The following DHRS7 variants were observed in gnomAD, a reference collection of about 807,000 sequenced individuals.
DHRS7 encodes dehydrogenase/reductase SDR family member 7.
DHRS7 carries 34 observed loss-of-function variants against 38.9 expected under a neutral mutation model. The observed-to-expected ratio is 0.87, with a 90% CI of 0.66 to 1.16. The LOEUF (loss-of-function observed/expected upper bound fraction) is 1.16. Ranked by LOEUF, DHRS7 falls within the 50% of genes most tolerant of loss-of-function variation. DHRS7 has a pLI of 0.00. For missense variants in DHRS7, 421 were observed against 407.0 expected (o/e 1.03, Z -0.30); for synonymous variants, 158 against 153.1 (o/e 1.03, Z -0.24).
chr14:60,147,708 C>T (rs1046618298), intron 6 of DHRS7: 1 of 152,110 alleles, frequency 6.6e-6, no homozygotes. Flanking sequence ...CATTAATCTC[C>T]ATCTTATATT....
At position 60,145,977 on chromosome 14, in the gene DHRS7, AG is replaced by A. The variant is rs1046876739; in HGVS notation, c.973-965del. 1 of 150,764 alleles carries A rather than the reference AG, an allele frequency of 6.6e-6. No individual in the cohort carries two copies. The highest frequency in any genetic ancestry group is 1.5e-5 in the Non-Finnish European group (1 of 67,726). The allele number at this position is 150,764 out of a possible 1,614,324, so 9.3% of individuals were successfully genotyped here. The stretch of plus-strand genomic sequence containing the variant: ...CTATTAGCTTGAAATAAGCTATGCT[AG>A]CATTTTCTTAACTTAGACGCTTATC... On this transcript the variant is annotated intron_variant, in intron 6 of 6. Transcript: ENST00000557185. The surrounding 1 kb of genome is among the most constrained non-coding windows in gnomAD (Gnocchi z 4.0).
chr14:60,163,473 G>A (rs1283429720), intron 1 of DHRS7, among the ~76,000 whole-genome samples: 1 of 152,110 alleles, frequency 6.6e-6, no homozygotes, highest in Non-Finnish European at 1.5e-5. Flanking sequence ...TAACTTTTAT[G>A]TAACTTACTT....
Position 60,153,645 on chromosome 14 carries a change from G to A in DHRS7, c.393+314C>T, listed in dbSNP as rs1009029271. On this transcript the variant is annotated intron_variant, in intron 3 of 6. Coordinates refer to ENST00000557185, the MANE Select transcript of DHRS7 (RefSeq NM_016029.4). The surrounding 1 kb of genome is among the most constrained non-coding windows in gnomAD (Gnocchi z 4.4). ...TGGGAGGCGGAGATTGCAGTGAACC[G>A]ATATCACACCACTGCACTCCAGCCT... is the stretch of plus-strand genomic sequence containing the variant. 2.0e-5 allele frequency among the ~76,000 whole-genome samples: 3 copies of A among 152,078 alleles called. No homozygotes were observed. The highest frequency in any genetic ancestry group is 6.5e-5 in the Admixed American group (1 of 15,274).
In DHRS7 at chr14:60,150,107, T is replaced by C; in HGVS notation, c.714A>G (p.Gln238=). Residue 238 remains glutamine, a synonymous_variant, in exon 5 of 7, where the codon CAA becomes CAG. Transcript: ENST00000557185. Reference sequence around the variant, plus strand: ...CTAGGGAATTCTCCACAATATTTGATTGCACAGGTCCTGGGCAAATGTTAG... The same window carrying C: ...CTAGGGAATTCTCCACAATATTTGACTGCACAGGTCCTGGGCAAATGTTAG... ...IVSNICPGPV[Q]SNIVENSLAG... 2 of 1,608,200 alleles carry C rather than the reference T, an allele frequency of 1.2e-6. No individual in the cohort carries two copies. The highest frequency in any genetic ancestry group is 2.7e-5 in the African/African-American group (2 of 74,302).
At chr14:60,168,763 T>C, upstream of DHRS7, 1 of 1,548,408 alleles carries the variant, frequency 6.5e-7, no homozygotes, top group Non-Finnish European at 8.7e-7. Context: ...AACAAAATTC[T>C]TTCTTGCTTC....
At position 60,153,017 on chromosome 14, in the gene DHRS7, A is replaced by G. The variant is rs748482262; in HGVS notation, c.555T>C (p.Ile185=). 8.7e-6 allele frequency: 14 copies of G among 1,614,208 alleles called. No individual in the cohort carries two copies. The South Asian group carries it at 1.3e-4, about 15-fold the overall frequency. The part of the protein sequence containing the change: ...PHMIERKQGK[I]VTVNSILGII... ...TACCCAGGATGCTATTCACAGTAAC[A>G]ATCTTTCCTTGCTTCCTCTCGATCA... The change falls in exon 4 of 7, where the codon ATT becomes ATC. Residue 185 remains isoleucine, a synonymous_variant. Coordinates refer to ENST00000557185, the MANE Select transcript of DHRS7 (RefSeq NM_016029.4). The surrounding 1 kb of genome is among the most constrained non-coding windows in gnomAD (Gnocchi z 4.4).
At position 60,153,000 on chromosome 14, in the gene DHRS7, A is replaced by G; in HGVS notation, c.572T>C (p.Ile191Thr). 1 of 1,614,192 alleles carries G rather than the reference A, an allele frequency of 6.2e-7. No homozygotes were observed. Among genetic ancestry groups the G allele is most frequent in the Non-Finnish European group, 8.5e-7 (1 of 1,180,010 alleles). ...KQGKIVTVNSILGIISVPLSI... is the reference protein window; with the variant it reads ...KQGKIVTVNSTLGIISVPLSI... ...AAGAGGTACAGATATGATACCCAGGATGCTATTCACAGTAACAATCTTTCC... is the reference window on the plus strand; with the variant it reads ...AAGAGGTACAGATATGATACCCAGGGTGCTATTCACAGTAACAATCTTTCC... The change falls in exon 4 of 7, where the codon ATC becomes ACC. Residue 191 changes from isoleucine (I) to threonine (T), a missense_variant. Transcript: ENST00000557185.
upstream of DHRS7, chr14:60,168,649 TC>T: frequency 6.6e-7 from 1 of 1,518,460 alleles, no homozygotes; most frequent in Non-Finnish European, 8.8e-7. Context: ...CTAAAACTGA[TC>T]AATGCTTTTT....
At chr14:60,147,620 A>T (rs964334672) in intron 6 of DHRS7, 7 of 152,224 alleles carry the variant, frequency 4.6e-5, no homozygotes, top group African/African-American at 1.7e-4. Context: ...GAACACTCCA[A>T]GTTGTGTTTT....
At chr14:60,150,292 G>T in intron 4 of DHRS7, 105 bp from the exon 5 acceptor site, 1 of 1,091,764 alleles carries the variant, frequency 9.2e-7, no homozygotes, top group East Asian at 2.8e-5. Context: ...AGGACAGGTA[G>T]TGTAATCATG....
At chr14:60,155,277 C>T (rs995407077) in intron 2 of DHRS7, among the ~76,000 whole-genome samples, 1 of 151,944 alleles carries the variant, frequency 6.6e-6, no homozygotes, top group Non-Finnish European at 1.5e-5. Context: ...GGTGAAACCC[C>T]GTCTCCATTA....
At chr14:60,157,536 G>A (rs527964951) in intron 1 of DHRS7, among the ~76,000 whole-genome samples, 3 of 152,272 alleles carry the variant, frequency 2.0e-5, no homozygotes, top group Non-Finnish European at 4.4e-5. Context: ...TACTTCCTAT[G>A]TACTTAGCAC....
intron 4 of DHRS7, among the ~76,000 whole-genome samples, chr14:60,150,921 A>G (rs432646): frequency 0.27 from 41,119 of 151,698 alleles, 7,542 homozygotes; most frequent in African/African-American, 0.52. Flanking sequence ...AACTATCCCT[A>G]TAGATTCTGA....
chr14:60,157,595 C>T (rs1896683387), intron 1 of DHRS7, among the ~76,000 whole-genome samples: 1 of 152,190 alleles, frequency 6.6e-6, no homozygotes, highest in Admixed American at 6.5e-5. Context: ...GTATTATTAT[C>T]TCAGTTTTAC....
Position 60,145,042 on chromosome 14 carries a change from A to G in DHRS7, c.973-29T>C. 6.5e-7 allele frequency: 1 copy of G among 1,526,830 alleles called. No individual in the cohort carries two copies. Among genetic ancestry groups the G allele is most frequent in the Non-Finnish European group, 8.8e-7 (1 of 1,131,306 alleles). The allele number at this position is 1,526,830 out of a possible 1,614,324, so 94.6% of individuals were successfully genotyped here. ...TAAAAGAGGGACAGAAACATGGATC[A>G]GTACCTACTCCTATTTACTCCAGTT... On this transcript the variant is annotated intron_variant, in intron 6 of 6. Coordinates refer to ENST00000557185, the MANE Select transcript of DHRS7 (RefSeq NM_016029.4). The surrounding 1 kb of genome is among the most constrained non-coding windows in gnomAD (Gnocchi z 4.0).
At chr14:60,167,248 T>C (rs1408315785), upstream of DHRS7, among the ~76,000 whole-genome samples, 1 of 152,252 alleles carries the variant, frequency 6.6e-6, no homozygotes, top group African/African-American at 2.4e-5. Flanking sequence ...TATATACACC[T>C]ACTGTGTACC....
chr14:60,147,438 A>T (rs566543269), intron 6 of DHRS7: 1 of 152,312 alleles, frequency 6.6e-6, no homozygotes, highest in East Asian at 1.9e-4. Flanking sequence ...AATTAGCTTG[A>T]TTGTGGTAAT....
chr14:60,154,016 C>G lies in DHRS7; in HGVS notation c.336G>C (p.Leu112=). Residue 112 remains leucine, a synonymous_variant, in exon 3 of 7, where the codon CTG becomes CTC. Coordinates refer to ENST00000557185, the MANE Select transcript of DHRS7 (RefSeq NM_016029.4). The stretch of plus-strand genomic sequence containing the variant: ...CCGCTTCATGGGAACCAGTGTCGGT[C>G]AGGTCAAGGGGCAAAACAAGTATAT... ...EKDILVLPLD[L]TDTGSHEAAT... is the part of the protein sequence containing the mutation. 3 of 1,614,064 alleles carry G rather than the reference C, an allele frequency of 1.9e-6. No individual in the cohort carries two copies. Among genetic ancestry groups the G allele is most frequent in the Admixed American group, 1.7e-5 (1 of 60,014 alleles).
At chr14:60,169,161 A>AG (rs1219977025), upstream of DHRS7, 5 of 146,396 alleles carry the variant, frequency 3.4e-5, no homozygotes, top group African/African-American at 1.3e-4. Context: ...AAAAAAAAAA[A>AG]CCATTGCACC....
Sources: gnomAD v4.1 joint callset for allele counts (sites outside exome capture counted in the v4.1 genomes callset) on GRCh38, gnomAD v4.1.1 for gene constraint, Gnocchi (gnomAD v3.1) non-coding constraint, MANE v1.5 for transcripts, NCBI Gene and HGNC (gene_info 2026-07-23, HGNC 2026-07-21) for gene names.